The following IDO2 variants were observed in gnomAD, a reference collection of about 807,000 sequenced individuals.
IDO2 encodes indoleamine 2,3-dioxygenase-like 1 protein.
In IDO2, 46 loss-of-function variants were observed where a neutral mutation model predicts 45.1. The observed-to-expected ratio is 1.02, with a 90% CI of 0.80 to 1.30. The LOEUF (loss-of-function observed/expected upper bound fraction) is 1.30, where lower values mean the gene tolerates loss of function less well. Ranked by LOEUF, IDO2 falls within the 50% of genes most tolerant of loss-of-function variation. The probability of loss-of-function intolerance (pLI) is 0.00; values close to 1 mark genes in which losing one functional copy is unlikely to be tolerated. For synonymous variants in IDO2, 218 were observed against 184.9 expected (o/e 1.18, Z -1.45); for missense variants, 544 against 491.8 (o/e 1.11, Z -1.00).
chr8:39,980,716 C>A (rs1188415346), intron 4 of IDO2, among the ~76,000 whole-genome samples: 1 of 152,152 alleles, frequency 6.6e-6, no homozygotes, highest in Admixed American at 6.6e-5. Context: ...AGAGTCATTG[C>A]AGCCTTGTTA....
chr8:40,015,686 T>C lies in IDO2; in HGVS notation c.*84T>C, dbSNP rs558073584. 353 of 965,208 alleles carry C rather than the reference T, an allele frequency of 3.7e-4. 4 individuals are homozygous for C. The South Asian group carries it at 5.2e-3, about 14-fold the overall frequency. The allele number at this position is 965,208 out of a possible 1,614,324, so 59.8% of individuals were successfully genotyped here. ...ATGAGGGTCAGGGTTCTGCCTGGGA[T>C]CATCCAGGAAGGATCTCAGCCCTAT... On this transcript the variant is annotated 3_prime_UTR_variant, in exon 11 of 11. Coordinates refer to ENST00000502986, the Ensembl canonical transcript of IDO2.
intron 3 of IDO2, among the ~76,000 whole-genome samples, chr8:39,974,569 G>T (rs1007499421): frequency 6.6e-6 from 1 of 152,124 alleles, no homozygotes; most frequent in Admixed American, 6.6e-5. Flanking sequence ...GATCACCTGA[G>T]ATCAGGAGTT....
intron 5 of IDO2, 66 bp from the exon 6 acceptor site, chr8:39,985,442 A>G (rs1228217325): frequency 2.2e-6 from 3 of 1,394,400 alleles, no homozygotes; most frequent in Non-Finnish European, 3.0e-6. Context: ...TATCTGGTTT[A>G]CAAACTGAAT....
intron 2 of IDO2, among the ~76,000 whole-genome samples, chr8:39,951,321 G>A (rs1053624236): frequency 6.9e-6 from 1 of 145,044 alleles, no homozygotes; most frequent in Non-Finnish European, 1.5e-5. Flanking sequence ...TATCGCCCAG[G>A]CTGGAGTGCA....
chr8:39,958,408 C>CT (rs944155341), intron 2 of IDO2, among the ~76,000 whole-genome samples: 53 of 150,340 alleles, frequency 3.5e-4, no homozygotes, highest in African/African-American at 1.3e-3. Context: ...TAATTTTTTT[C>CT]TTTTTTTGGA....
intron 9 of IDO2, among the ~76,000 whole-genome samples, chr8:40,010,223 G>C (rs1802291399): frequency 6.6e-6 from 1 of 152,146 alleles, no homozygotes; most frequent in Non-Finnish European, 1.5e-5. Flanking sequence ...TATGACATTT[G>C]AGCAGACACC....
At chr8:39,974,618 A>G (rs7009337) in intron 3 of IDO2, among the ~76,000 whole-genome samples, 11,457 of 152,138 alleles carry the variant, frequency 0.075, 1,420 homozygotes, top group African/African-American at 0.26. Context: ...CTCCATCTCT[A>G]CTGAAAATAC....
rs1026750992 is a variant in IDO2, at chr8:39,969,433, C to T, written c.195+5730C>T. ...AAATGTATGTGTTCTGACTGCTCCA[C>T]TGACCAGCCATTGCCCCATCTCTCT... On this transcript the variant is annotated intron_variant, in intron 3 of 10. Coordinates refer to ENST00000502986, the Ensembl canonical transcript of IDO2. Among the ~76,000 whole-genome samples the T allele has an allele frequency of 2.0e-5, 3 of 152,336 alleles. No homozygotes were observed. In the East Asian group the frequency reaches 5.8e-4, roughly 29 times the overall value.
chr8:39,943,434 C>G lies in IDO2; in HGVS notation c.-17-5715C>G, dbSNP rs890403161. Among the ~76,000 whole-genome samples the G allele has an allele frequency of 2.0e-5, 3 of 150,784 alleles. No individual in the cohort carries two copies. In the East Asian group the frequency reaches 6.0e-4, roughly 30 times the overall value. On this transcript the variant is annotated intron_variant, in intron 1 of 10. Coordinates refer to ENST00000502986, the Ensembl canonical transcript of IDO2. ...GAATGTTCCTCAATACCATAAAGGCCATATGTAAGAAACCTATAGCTGGCC... is the reference window on the plus strand; with the variant it reads ...GAATGTTCCTCAATACCATAAAGGCGATATGTAAGAAACCTATAGCTGGCC...
chr8:40,011,362 A>C (rs565066421), intron 9 of IDO2, among the ~76,000 whole-genome samples: 1 of 152,256 alleles, frequency 6.6e-6, no homozygotes, highest in Non-Finnish European at 1.5e-5. Context: ...AAATGACTAC[A>C]TAAGACCATC....
At chr8:39,995,717 A>AT (rs1351631303) in intron 8 of IDO2, among the ~76,000 whole-genome samples, 1 of 152,252 alleles carries the variant, frequency 6.6e-6, no homozygotes. Flanking sequence ...ACTACTCTTT[A>AT]TTCCAGTATT....
At chr8:40,006,171 C>A (rs1297306678) in intron 9 of IDO2, among the ~76,000 whole-genome samples, 1 of 152,144 alleles carries the variant, frequency 6.6e-6, no homozygotes. Context: ...TTTGACTTAC[C>A]ATTTTTTGAC....
chr8:39,994,262 C>CTTTT (rs35840300), intron 8 of IDO2, among the ~76,000 whole-genome samples: 2 of 142,446 alleles, frequency 1.4e-5, no homozygotes, highest in Non-Finnish European at 3.0e-5. Context: ...TTCTTTCTTT[C>CTTTT]TTTTTTTTTT....
At chr8:39,995,035 AG>A (rs1268830992) in intron 8 of IDO2, 1 of 152,176 alleles carries the variant, frequency 6.6e-6, no homozygotes, top group Non-Finnish European at 1.5e-5. Flanking sequence ...CTCATGCAAA[AG>A]GTCTGTACAC....
intron 9 of IDO2, 79 bp from the exon 10 acceptor site, chr8:40,013,486 C>T: frequency 7.5e-7 from 1 of 1,334,792 alleles, no homozygotes; most frequent in Non-Finnish European, 1.0e-6. Flanking sequence ...CTTTCTCATT[C>T]ACTCTCAGTT....
intron 8 of IDO2, among the ~76,000 whole-genome samples, chr8:40,004,603 G>A (rs1802192330): frequency 1.3e-5 from 2 of 151,414 alleles, no homozygotes; most frequent in African/African-American, 4.9e-5. Context: ...CAGAAACAGA[G>A]ACACAGTGAT....
At chr8:40,008,656 A>G (rs1297251486) in intron 9 of IDO2, among the ~76,000 whole-genome samples, 2 of 152,218 alleles carry the variant, frequency 1.3e-5, no homozygotes, top group Non-Finnish European at 2.9e-5. Flanking sequence ...CCTTCAAGGG[A>G]TAAATTGATT....
chr8:39,998,639 T>TTA (rs1554548914), intron 8 of IDO2: 1 of 71,366 alleles, frequency 1.4e-5, no homozygotes, highest in South Asian at 5.1e-4. Context: ...TTTCTTCTTC[T>TTA]TTTTTTTTTT....
rs1290219866 is a variant in IDO2 at position 39,934,947 on chromosome 8, G to A, written c.-289G>A. ...AGTTGAGTCCATACACACTGGTTTGGAAATTTCAGTCCAGATGATAGTTAA... is the reference window on the plus strand; with the variant it reads ...AGTTGAGTCCATACACACTGGTTTGAAAATTTCAGTCCAGATGATAGTTAA... On this transcript the variant is annotated 5_prime_UTR_variant, in exon 1 of 11. An upstream open reading frame in the 5' UTR gains an earlier in-frame stop. Transcript: ENST00000502986. 4.9e-6 allele frequency: 3 copies of A among 618,186 alleles called. No individual in the cohort carries two copies. The Admixed American group carries it at 8.6e-5, about 18-fold the overall frequency. 38.3% of individuals were successfully genotyped at this position (618,186 alleles called of 1,614,324 possible). A position where few individuals can be genotyped will look rare whatever the true frequency, so the allele number is the denominator to read the frequency against.
Sources: gnomAD v4.1 joint callset for allele counts (sites outside exome capture counted in the v4.1 genomes callset) on GRCh38, gnomAD v4.1.1 for gene constraint, MANE v1.5 for transcripts, NCBI Gene and HGNC (gene_info 2026-07-23, HGNC 2026-07-21) for gene names.